The following EHBP1 variants were observed in gnomAD, a reference collection of about 807,000 sequenced individuals.
EHBP1 encodes EH domain-binding protein 1.
In EHBP1, 55 loss-of-function variants were observed where a neutral mutation model predicts 144.0. That is an observed-to-expected ratio of 0.38 (90% CI 0.31 to 0.48). EHBP1 has a LOEUF of 0.48. Ranked by LOEUF, EHBP1 falls within the 20% of genes least tolerant of loss-of-function variation. EHBP1 has a pLI of 0.98. For missense variants in EHBP1, 1,200 were observed against 1,364.2 expected, an observed-to-expected ratio of 0.88 and a Z score of 1.90; for synonymous variants, 469 against 472.7, an observed-to-expected ratio of 0.99 and a Z score of 0.10.
intron 1 of EHBP1, among the ~76,000 whole-genome samples, chr2:62,677,122 G>A (rs1017229098): frequency 1.3e-5 from 2 of 152,180 alleles, no homozygotes; most frequent in Non-Finnish European, 2.9e-5. Flanking sequence ...CTTGAACTGG[G>A]GAGGTTGAGG....
At chr2:62,686,891 A>G (rs2033737067) in intron 1 of EHBP1, among the ~76,000 whole-genome samples, 3 of 152,224 alleles carry the variant, frequency 2.0e-5, no homozygotes, top group South Asian at 4.1e-4. Context: ...AGCACTTACT[A>G]TGTACCAACA....
At chr2:62,892,006 G>C (rs1046243671) in intron 10 of EHBP1, among the ~76,000 whole-genome samples, 1 of 152,084 alleles carries the variant, frequency 6.6e-6, no homozygotes, top group Non-Finnish European at 1.5e-5. Context: ...TAGTATTACT[G>C]TATAGTAAAA....
intron 3 of EHBP1, among the ~76,000 whole-genome samples, chr2:62,756,734 C>T (rs577621351): frequency 7.1e-6 from 1 of 141,332 alleles, no homozygotes; most frequent in Non-Finnish European, 1.5e-5. Context: ...TGCCATTGCA[C>T]TCCAGCCTGG....
intron 5 of EHBP1, among the ~76,000 whole-genome samples, chr2:62,818,002 C>T (rs1228381111): frequency 2.0e-5 from 3 of 151,820 alleles, no homozygotes; most frequent in African/African-American, 7.2e-5. Flanking sequence ...ATGCTCCTGT[C>T]ATAAAAGTGG....
chr2:62,821,743 A>G (rs1156337745), intron 5 of EHBP1, among the ~76,000 whole-genome samples: 1 of 152,182 alleles, frequency 6.6e-6, no homozygotes, highest in Non-Finnish European at 1.5e-5. Flanking sequence ...ATTGAACTAC[A>G]TTGCTTGCTA....
chr2:63,032,556 G>A (rs2061297087), intron 19 of EHBP1, among the ~76,000 whole-genome samples: 1 of 112,014 alleles, frequency 8.9e-6, no homozygotes, highest in South Asian at 3.2e-4. Flanking sequence ...GACAGAGCGA[G>A]ACTCTGTCTC....
chr2:62,884,813 G>C (rs2051783831), intron 10 of EHBP1, among the ~76,000 whole-genome samples: 1 of 152,154 alleles, frequency 6.6e-6, no homozygotes, highest in Non-Finnish European at 1.5e-5. Context: ...TCAAAGCTTG[G>C]TAAAATAATT....
At chr2:62,849,922 CTTAA>C (rs914652124) in intron 7 of EHBP1, among the ~76,000 whole-genome samples, 1 of 152,098 alleles carries the variant, frequency 6.6e-6, no homozygotes, top group African/African-American at 2.4e-5. Context: ...TGAGAATTAT[CTTAA>C]TTTATGTGTT....
chr2:62,885,276 A>C (rs564608336), intron 10 of EHBP1, among the ~76,000 whole-genome samples: 1 of 152,338 alleles, frequency 6.6e-6, no homozygotes, highest in Non-Finnish European at 1.5e-5. Context: ...TTATGTTGCA[A>C]AATAAAATTC....
chr2:63,028,166 T>C (rs1379890668), intron 19 of EHBP1, among the ~76,000 whole-genome samples: 1 of 152,230 alleles, frequency 6.6e-6, no homozygotes, highest in Non-Finnish European at 1.5e-5. Context: ...TTCATTACCA[T>C]AGTTTAGACA....
intron 19 of EHBP1, among the ~76,000 whole-genome samples, chr2:63,016,120 A>C (rs1265937159): frequency 6.6e-6 from 1 of 152,202 alleles, no homozygotes; most frequent in African/African-American, 2.4e-5. Context: ...ATGATACTTT[A>C]TATCTGAAAA....
chr2:62,774,925 TGA>T (rs1387084442), intron 5 of EHBP1, among the ~76,000 whole-genome samples: 1 of 152,094 alleles, frequency 6.6e-6, no homozygotes, highest in Non-Finnish European at 1.5e-5. Context: ...TGTGTGTGTG[TGA>T]GAGAGAGGAT....
At chr2:62,753,926 C>T (rs572289866) in intron 3 of EHBP1, among the ~76,000 whole-genome samples, 5 of 152,276 alleles carry the variant, frequency 3.3e-5, no homozygotes, top group East Asian at 3.9e-4. Context: ...AGCTCCTTTG[C>T]GATGGGTTCG....
intron 10 of EHBP1, among the ~76,000 whole-genome samples, chr2:62,879,924 G>T (rs1422215722): frequency 1.3e-5 from 2 of 151,990 alleles, no homozygotes; most frequent in Non-Finnish European, 2.9e-5. Flanking sequence ...GCAATCCTAA[G>T]CAAAGAGAAC....
At chr2:62,791,874 T>C (rs1397155864) in intron 5 of EHBP1, among the ~76,000 whole-genome samples, 1 of 152,008 alleles carries the variant, frequency 6.6e-6, no homozygotes, top group East Asian at 1.9e-4. Context: ...TATCTAGAGA[T>C]TGCTTTAAAA....
intron 10 of EHBP1, among the ~76,000 whole-genome samples, chr2:62,935,264 GGTT>G (rs1443027108): frequency 1.3e-5 from 2 of 150,580 alleles, no homozygotes; most frequent in Non-Finnish European, 3.0e-5. Context: ...GGGAGACAGA[GGTT>G]GTAGTTAGCC....
chr2:62,769,406 T>C (rs1299109145), intron 4 of EHBP1, among the ~76,000 whole-genome samples: 3 of 152,048 alleles, frequency 2.0e-5, no homozygotes, highest in Non-Finnish European at 4.4e-5. Flanking sequence ...ATCCCATTTA[T>C]AATTGCCCCA....
intron 5 of EHBP1, 49 bp downstream of exon 5, chr2:62,771,441 A>G (rs1278481976): frequency 7.1e-7 from 1 of 1,416,596 alleles, no homozygotes; most frequent in South Asian, 1.4e-5. Flanking sequence ...AACTTTATAT[A>G]TGCATTATTA....
chr2:62,684,811 A>T (rs963087324), intron 1 of EHBP1, among the ~76,000 whole-genome samples: 5 of 152,202 alleles, frequency 3.3e-5, no homozygotes, highest in African/African-American at 1.2e-4. Flanking sequence ...GGAGGGAGAG[A>T]GGAAAAGAAA....
Sources: allele counts gnomAD v4.1 joint callset (sites outside exome capture counted in the v4.1 genomes callset), GRCh38; gene constraint gnomAD v4.1.1; transcripts MANE v1.5; gene names NCBI Gene and HGNC (gene_info 2026-07-23, HGNC 2026-07-21).